Variants in RXYLT1 observed in about 807,000 individuals in gnomAD.
RXYLT1 encodes ribitol-5-phosphate xylosyltransferase 1.
RXYLT1 carries 41 observed loss-of-function variants against 43.5 expected under a neutral mutation model. The observed-to-expected ratio is 0.94, with a 90% confidence interval of 0.73 to 1.22. RXYLT1 has a LOEUF of 1.22. Among genes scored for constraint, RXYLT1 ranks in the 50% most tolerant of loss-of-function variants. The pLI, the probability that RXYLT1 is intolerant of heterozygous loss-of-function variation, is 0.00. For missense variants in RXYLT1, 514 were observed against 532.0 expected (o/e 0.97, Z 0.33); for synonymous variants, 166 against 194.4 (o/e 0.85, Z 1.21).
chr12:63,805,133 A>T, intron 4 of RXYLT1, 101 bp from the exon 5 acceptor site: 2 of 801,374 alleles, frequency 2.5e-6, no homozygotes, highest in Non-Finnish European at 1.8e-6. Context: ...ATCACATTTT[A>T]AACCTCTTCT....
intron 2 of RXYLT1, among the ~76,000 whole-genome samples, chr12:63,784,311 C>G (rs2136221492): frequency 6.6e-6 from 1 of 152,206 alleles, no homozygotes; most frequent in East Asian, 1.9e-4. Flanking sequence ...GTAACCAAAA[C>G]AGGGTGCCCA....
intron 3 of RXYLT1, among the ~76,000 whole-genome samples, chr12:63,791,540 A>G (rs79460421): frequency 6.1e-4 from 93 of 152,364 alleles, no homozygotes; most frequent in African/African-American, 2.2e-3. Flanking sequence ...CTATGAATGA[A>G]AGCATTTATA....
At chr12:63,791,056 T>C (rs903493823) in intron 3 of RXYLT1, among the ~76,000 whole-genome samples, 1 of 152,212 alleles carries the variant, frequency 6.6e-6, no homozygotes, top group African/African-American at 2.4e-5. Flanking sequence ...CCCTCCGTCA[T>C]GTACCTGCCC....
chr12:63,790,857 G>A (rs1013832148), intron 3 of RXYLT1, among the ~76,000 whole-genome samples: 6 of 152,166 alleles, frequency 3.9e-5, no homozygotes, highest in Admixed American at 6.5e-5. Flanking sequence ...GCAAGTAGTA[G>A]TTCATATTTC....
chr12:63,781,186 C>T lies in RXYLT1; in HGVS notation c.325+12C>T, dbSNP rs1440661955. 39 of 1,482,674 alleles carry T rather than the reference C, an allele frequency of 2.6e-5. No homozygotes were observed. Among genetic ancestry groups the T allele is most frequent in the Non-Finnish European group, 3.4e-5 (38 of 1,116,052 alleles). The allele number at this position is 1,482,674 out of a possible 1,614,324, so 91.8% of individuals were successfully genotyped here. On this transcript the variant is annotated intron_variant, in intron 2 of 5. Coordinates refer to ENST00000261234, the MANE Select transcript of RXYLT1 (RefSeq NM_014254.3). ...CAAAGCTGCCATTGGTAAGTTAATA[C>T]GTAGAAGGAAGACATGTAAAAAGCA...
chr12:63,805,222 TTATTTTTATAGA>T lies in RXYLT1; in HGVS notation c.744-9_746del, dbSNP rs1898259714. 6.3e-7 allele frequency: 1 copy of T among 1,585,362 alleles called. No individual in the cohort carries two copies. The highest frequency in any genetic ancestry group is 1.9e-5 in the Admixed American group (1 of 53,198). Reference sequence around the variant, plus strand: ...ATATCATATGTTAATTCATGTGTATTTATTTTTATAGATACAGGAATTTTCCTGTGGTGGAGG... The same window carrying T: ...ATATCATATGTTAATTCATGTGTATTTACAGGAATTTTCCTGTGGTGGAGG... On this transcript the variant is annotated splice_acceptor_variant and splice_polypyrimidine_tract_variant and coding_sequence_variant and intron_variant, in exon 5 of 6. Coordinates refer to ENST00000261234, the MANE Select transcript of RXYLT1 (RefSeq NM_014254.3). LOFTEE classifies it high-confidence loss of function.
chr12:63,807,246 A>G (rs1321311631), intron 5 of RXYLT1: 1 of 152,148 alleles, frequency 6.6e-6, no homozygotes, highest in Non-Finnish European at 1.5e-5. Context: ...GTCAATCATA[A>G]TTGCCTATAC....
At position 63,795,111 on chromosome 12, in the gene RXYLT1, G is replaced by A. The variant is rs184409482; in HGVS notation, c.429-6980G>A. On this transcript the variant is annotated intron_variant, in intron 3 of 5. Transcript: ENST00000261234. ...CAGGAGTTTGAGACCAGCCTAGGCA[G>A]CATGGCGAAACTGTATCTCTACAAA... 4.2e-3 allele frequency among the ~76,000 whole-genome samples: 645 copies of A among 152,022 alleles called. 4 individuals are homozygous for A. Among genetic ancestry groups the A allele is most frequent in the African/African-American group, 0.015 (617 of 41,464 alleles).
At position 63,808,817 on chromosome 12, in the gene RXYLT1, G is replaced by A; in HGVS notation, c.1057G>A (p.Val353Met). Reference sequence around the variant, plus strand: ...TTGCTCCTATGGCTCCATTCCTGTGGTGGAAGACGTGATGACAGCTGGCAA... The same window carrying A: ...TTGCTCCTATGGCTCCATTCCTGTGATGGAAGACGTGATGACAGCTGGCAA... ...EACSYGSIPV[V>M]EDVMTAGNCG... is the part of the protein sequence containing the mutation. Residue 353 changes from valine (V) to methionine (M), a missense_variant, in exon 6 of 6, where the codon GTG (valine) becomes ATG (methionine). Transcript: ENST00000261234. The A allele has an allele frequency of 6.2e-7, 1 of 1,614,122 alleles. No homozygotes were observed. The highest frequency in any genetic ancestry group is 8.5e-7 in the Non-Finnish European group (1 of 1,180,024).
In RXYLT1 at chr12:63,780,108, G is replaced by C; in HGVS notation, c.148G>C (p.Ala50Pro). ...GGGCCTCAGGAAGGGGGCGGCCCCC[G>C]CGCGGGAGAGACGCGGCCGAGGTAG... is the stretch of plus-strand genomic sequence containing the variant. ...PRGLRKGAAP[A>P]RERRGREQST... The change falls in exon 1 of 6, where the codon GCG becomes CCG. Residue 50 changes from alanine (A) to proline (P), a missense_variant. Ala to Pro is a conservative substitution (Grantham distance 27, BLOSUM62 -1). Coordinates refer to ENST00000261234, the MANE Select transcript of RXYLT1 (RefSeq NM_014254.3). 1 of 1,537,518 alleles carries C rather than the reference G, an allele frequency of 6.5e-7. No homozygotes were observed. The highest frequency in any genetic ancestry group is 8.7e-7 in the Non-Finnish European group (1 of 1,147,758).
intron 4 of RXYLT1, 78 bp from the exon 5 acceptor site, chr12:63,805,156 C>A: frequency 9.1e-7 from 1 of 1,102,878 alleles, no homozygotes; most frequent in Non-Finnish European, 1.3e-6. Context: ...ATACTTCTTG[C>A]TACCTAAGAG....
At chr12:63,782,984 C>T (rs1897717904) in intron 2 of RXYLT1, among the ~76,000 whole-genome samples, 1 of 152,194 alleles carries the variant, frequency 6.6e-6, no homozygotes, top group African/African-American at 2.4e-5. Flanking sequence ...AACCAGTCCA[C>T]ACCTTTCACT....
intron 3 of RXYLT1, among the ~76,000 whole-genome samples, chr12:63,788,997 A>G (rs561538568): frequency 1.3e-5 from 2 of 152,254 alleles, no homozygotes; most frequent in South Asian, 4.1e-4. Flanking sequence ...GCCTGAAGCC[A>G]TGGCTTTTAG....
At chr12:63,800,937 G>A in intron 3 of RXYLT1, among the ~76,000 whole-genome samples, 1 of 151,652 alleles carries the variant, frequency 6.6e-6, no homozygotes, top group Non-Finnish European at 1.5e-5. Context: ...AAAAAAAATG[G>A]TAATACAACA....
rs146732392 is a variant in RXYLT1 at position 63,802,265 on chromosome 12, C to T, written c.603C>T (p.Leu201=). ...QKLQHLAVVL[L]GNEHCDNEWI... is the part of the protein sequence containing the mutation. ...TCCAGCATCTTGCTGTTGTTTTGCT[C>T]GGAAATGAACATTGTGATAATGAGT... The change falls in exon 4 of 6, where the codon CTC becomes CTT. Residue 201 remains leucine (L), a synonymous_variant. Coordinates refer to ENST00000261234, the MANE Select transcript of RXYLT1 (RefSeq NM_014254.3). 6,455 of 1,614,028 alleles carry T rather than the reference C, an allele frequency of 4.0e-3. 165 individuals are homozygous for T. In the South Asian group the frequency reaches 0.05, roughly 13 times the overall value.
chr12:63,781,438 T>A (rs1897682507), intron 2 of RXYLT1, among the ~76,000 whole-genome samples: 1 of 152,238 alleles, frequency 6.6e-6, no homozygotes, highest in South Asian at 2.1e-4. Context: ...TATAGTGTCA[T>A]TAGATTGCAA....
At chr12:63,790,786 T>G (rs1897904754) in intron 3 of RXYLT1, among the ~76,000 whole-genome samples, 1 of 152,190 alleles carries the variant, frequency 6.6e-6, no homozygotes, top group Admixed American at 6.5e-5. Flanking sequence ...GTTCTATTAC[T>G]TTGCTGTCTG....
At chr12:63,791,927 A>T (rs1338698157) in intron 3 of RXYLT1, among the ~76,000 whole-genome samples, 1 of 152,224 alleles carries the variant, frequency 6.6e-6, no homozygotes, top group Non-Finnish European at 1.5e-5. Context: ...ACATTTACAT[A>T]GCTCTTACTA....
At chr12:63,783,693 C>G (rs987495570) in intron 2 of RXYLT1, among the ~76,000 whole-genome samples, 1 of 152,194 alleles carries the variant, frequency 6.6e-6, no homozygotes, top group African/African-American at 2.4e-5. Context: ...ATTTCAGAGA[C>G]ACTTCCACAT....
Sources: gnomAD v4.1 joint callset for allele counts (sites outside exome capture counted in the v4.1 genomes callset) on GRCh38, gnomAD v4.1.1 for gene constraint, MANE v1.5 for transcripts, NCBI Gene and HGNC (gene_info 2026-07-23, HGNC 2026-07-21) for gene names.